Variants in SH3KBP1 observed in about 807,000 individuals in gnomAD.
SH3KBP1 encodes the protein SH3 domain-containing kinase-binding protein 1.
SH3KBP1 carries 8 observed loss-of-function variants against 50.1 expected under a neutral mutation model. That is an observed-to-expected ratio of 0.16 (90% confidence interval 0.09 to 0.29). The LOEUF is 0.29. SH3KBP1 is among the 10% of genes least tolerant of loss of function. The pLI is 1.00. For synonymous variants in SH3KBP1, 227 were observed against 218.6 expected (o/e 1.04, Z -0.34); for missense variants, 377 against 535.2 (o/e 0.70, Z 2.92).
At chrX:19,843,632 C>T (rs1019165237) in intron 1 of SH3KBP1, among the ~76,000 whole-genome samples, 2 of 111,129 alleles carry the variant, frequency 1.8e-5, no homozygotes, top group Non-Finnish European at 3.8e-5. Flanking sequence ...GCTCAGAACA[C>T]GGACCCCAGT....
intron 8 of SH3KBP1, among the ~76,000 whole-genome samples, chrX:19,626,016 T>C (rs954105577): frequency 9.0e-6 from 1 of 111,099 alleles, no homozygotes; most frequent in African/African-American, 3.3e-5. Context: ...ATTCCCGGGG[T>C]TGCTGTGAAG....
rs758486199 is a variant in SH3KBP1 at position 19,856,951 on chromosome X, C to CTTTTTTTTTTTTTTTTT, written c.5-20686_5-20670dup. Among the ~76,000 whole-genome samples, 6 of 20,049 alleles carry CTTTTTTTTTTTTTTTTT rather than the reference C, an allele frequency of 3.0e-4. 1 individual carries two copies. Among genetic ancestry groups the CTTTTTTTTTTTTTTTTT allele is most frequent in the Non-Finnish European group, 5.0e-4 (5 of 10,013 alleles). The allele number at this position is 20,049 out of a possible 115,157, so 17.4% of individuals were successfully genotyped here. On this transcript the variant is annotated intron_variant, in intron 1 of 17. Transcript: ENST00000397821. ...CTTTTCCCCTAGAGCTAATACTAGT[C>CTTTTTTTTTTTTTTTTT]TTTTTTTTTTTTTTTTTTTTTTTTT...
intron 1 of SH3KBP1, among the ~76,000 whole-genome samples, chrX:19,867,574 C>T (rs2068945604): frequency 1.8e-5 from 2 of 111,565 alleles, no homozygotes; most frequent in Admixed American, 9.5e-5. Flanking sequence ...TTGTCAGCTC[C>T]AGGCTAAGAG....
chrX:19,588,363 G>A, intron 12 of SH3KBP1: 2 of 1,083,579 alleles, frequency 1.8e-6, no homozygotes, highest in East Asian at 6.8e-5. Context: ...TAAGGCCCAG[G>A]AAAAACCCCT....
chrX:19,622,974 C>T (rs2067887315), intron 8 of SH3KBP1, among the ~76,000 whole-genome samples: 1 of 99,153 alleles, frequency 1.0e-5, no homozygotes, highest in Admixed American at 1.2e-4. Flanking sequence ...ACCCAGGAGG[C>T]AGAGGTGGCA....
chrX:19,727,322 A>G (rs772461860), intron 3 of SH3KBP1, among the ~76,000 whole-genome samples: 1 of 111,871 alleles, frequency 8.9e-6, no homozygotes, highest in Admixed American at 9.4e-5. Context: ...ACTGCCCATT[A>G]TCCCTCCCTC....
chrX:19,818,319 T>C (rs2067422984), intron 2 of SH3KBP1, among the ~76,000 whole-genome samples: 1 of 112,215 alleles, frequency 8.9e-6, no homozygotes, highest in African/African-American at 3.2e-5. Context: ...ATTCTAGGAG[T>C]TACTTGGTAA....
intron 8 of SH3KBP1, among the ~76,000 whole-genome samples, chrX:19,612,438 G>C (rs1362762956): frequency 1.8e-5 from 2 of 110,780 alleles, no homozygotes; most frequent in African/African-American, 6.6e-5. Context: ...TAATTTTTTT[G>C]TATTTTTAGT....
chrX:19,843,979 A>G (rs1339515850), intron 1 of SH3KBP1, among the ~76,000 whole-genome samples: 1 of 111,158 alleles, frequency 9.0e-6, no homozygotes, highest in African/African-American at 3.3e-5. Context: ...TGTAGGAGAA[A>G]GCCCAGCAGG....
intron 6 of SH3KBP1, among the ~76,000 whole-genome samples, chrX:19,658,453 A>G (rs1224974847): frequency 6.2e-5 from 7 of 112,390 alleles, no homozygotes; most frequent in Non-Finnish European, 1.3e-4. Context: ...ACAGATTCCC[A>G]AAGAATAACA....
At chrX:19,686,577 C>T (rs967567329) in intron 5 of SH3KBP1, among the ~76,000 whole-genome samples, 1 of 110,870 alleles carries the variant, frequency 9.0e-6, no homozygotes, top group Non-Finnish European at 1.9e-5. Context: ...ATCTAAATGA[C>T]CAGGGCACAG....
intron 2 of SH3KBP1, among the ~76,000 whole-genome samples, chrX:19,794,478 C>T (rs1182206849): frequency 7.3e-5 from 8 of 109,833 alleles, no homozygotes; most frequent in African/African-American, 1.0e-4. Context: ...CTGAGGCGGG[C>T]GGATCACGAG....
chrX:19,866,036 C>T (rs2068897610), intron 1 of SH3KBP1, among the ~76,000 whole-genome samples: 2 of 112,138 alleles, frequency 1.8e-5, no homozygotes, highest in Non-Finnish European at 3.8e-5. Context: ...TTCAAGCTAA[C>T]ATAAAGCAAG....
At position 19,607,372 on chromosome X, in the gene SH3KBP1, T is replaced by C. The variant is rs139074141; in HGVS notation, c.1005+566A>G. Among the ~76,000 whole-genome samples the C allele has an allele frequency of 2.7e-3, 305 of 112,533 alleles. 4 individuals are homozygous for C. The highest frequency in any genetic ancestry group is 9.5e-3 in the African/African-American group (295 of 31,001). On this transcript the variant is annotated intron_variant, in intron 9 of 17. Transcript: ENST00000397821. ...ACACCTGGAGTGAGGCAAACACAGA[T>C]GGAGTGGCTGATTTAAACAGTGGCA... is the stretch of plus-strand genomic sequence containing the variant.
At chrX:19,554,339 A>G (rs968628723) in intron 13 of SH3KBP1, among the ~76,000 whole-genome samples, 14 of 92,744 alleles carry the variant, frequency 1.5e-4, no homozygotes, top group Non-Finnish European at 1.8e-4. Flanking sequence ...ATAATATTAT[A>G]TATCATATTA....
chrX:19,852,780 T>C (rs918469536), intron 1 of SH3KBP1, among the ~76,000 whole-genome samples: 4 of 111,764 alleles, frequency 3.6e-5, no homozygotes, highest in Admixed American at 2.9e-4. Flanking sequence ...AGAATGGCTC[T>C]TTGATCCAGT....
intron 1 of SH3KBP1, among the ~76,000 whole-genome samples, chrX:19,863,951 T>C (rs1014458159): frequency 8.1e-5 from 9 of 111,467 alleles, no homozygotes; most frequent in African/African-American, 2.9e-4. Context: ...AGGGGCAGAC[T>C]CGTCTATCAT....
At chrX:19,871,105 ATG>A (rs2069030276) in intron 1 of SH3KBP1, among the ~76,000 whole-genome samples, 1 of 112,431 alleles carries the variant, frequency 8.9e-6, no homozygotes, top group South Asian at 3.6e-4. Context: ...TTCTAATTTG[ATG>A]TGTTTTGCTA....
rs1296307297 is a variant in SH3KBP1 at position 19,827,898 on chromosome X, C to CA, written c.162+8226dup. ...ATGGTCTGTTAAACAAAAAAACAAA[C>CA]AAACAAACAAACAAACAAACAAACA... is the stretch of plus-strand genomic sequence containing the variant. On this transcript the variant is annotated intron_variant, in intron 2 of 17. Transcript: ENST00000397821. Among the ~76,000 whole-genome samples, 7 of 90,410 alleles carry CA rather than the reference C, an allele frequency of 7.7e-5. No individual in the cohort carries two copies. In the East Asian group the frequency reaches 2.3e-3, roughly 30 times the overall value. The allele number at this position is 90,410 out of a possible 115,157, so 78.5% of individuals were successfully genotyped here.
Sources: gnomAD v4.1 joint callset for allele counts (sites outside exome capture counted in the v4.1 genomes callset) on GRCh38, gnomAD v4.1.1 for gene constraint, MANE v1.5 for transcripts, NCBI Gene and HGNC (gene_info 2026-07-23, HGNC 2026-07-21) for gene names.